The following HMCN1 variants were observed in gnomAD, a reference collection of about 807,000 sequenced individuals.
HMCN1 encodes the protein hemicentin-1.
HMCN1 carries 321 observed loss-of-function variants against 625.9 expected under a neutral mutation model. The observed-to-expected ratio is 0.51, with a 90% CI of 0.47 to 0.56. The LOEUF (loss-of-function observed/expected upper bound fraction) is 0.56. Ranked by LOEUF, HMCN1 falls within the 20% of genes least tolerant of loss-of-function variation. The probability of loss-of-function intolerance (pLI) is 0.00; values close to 1 mark genes in which losing one functional copy is unlikely to be tolerated. For synonymous variants in HMCN1, 2,425 were observed against 2,417.6 expected (o/e 1.00, Z -0.09); for missense variants, 6,588 against 6,887.3 (o/e 0.96, Z 1.54).
chr1:186,069,392 G>T (rs1269649205), intron 50 of HMCN1, among the ~76,000 whole-genome samples: 1 of 152,144 alleles, frequency 6.6e-6, no homozygotes, highest in African/African-American at 2.4e-5. Context: ...CCTTATGAAG[G>T]ATCTTAGCTA....
intron 100 of HMCN1, among the ~76,000 whole-genome samples, chr1:186,168,447 CA>C (rs35413214): frequency 0.068 from 8,279 of 122,414 alleles, 226 homozygotes; most frequent in South Asian, 0.11. Context: ...GACTCTGTTT[CA>C]AAAAAAAAAA....
intron 11 of HMCN1, among the ~76,000 whole-genome samples, chr1:185,941,611 G>A (rs943690069): frequency 2.6e-5 from 4 of 152,142 alleles, no homozygotes; most frequent in African/African-American, 9.7e-5. Flanking sequence ...GAAAAATTTG[G>A]TATTCACGTA....
rs557887846 is a variant in HMCN1 at position 186,110,977 on chromosome 1, C to CTTTT, written c.10990-1817_10990-1814dup. Among the ~76,000 whole-genome samples, 218 of 61,626 alleles carry CTTTT rather than the reference C, an allele frequency of 3.5e-3. 50 individuals carry two copies. Among genetic ancestry groups the CTTTT allele is most frequent in the East Asian group, 8.6e-3 (14 of 1,622 alleles). 40.4% of individuals were successfully genotyped at this position (61,626 alleles called of 152,430 possible). A position where few individuals can be genotyped will look rare whatever the true frequency, so the allele number is the denominator to read the frequency against. On this transcript the variant is annotated intron_variant, in intron 71 of 106. Coordinates refer to ENST00000271588, the MANE Select transcript of HMCN1 (RefSeq NM_031935.3). ...TACGGAAGAAAAACCAGAGAAAATTCTTTTTTTTTTTTTTTTTTTTTGAGA... is the reference window on the plus strand; with the variant it reads ...TACGGAAGAAAAACCAGAGAAAATTCTTTTTTTTTTTTTTTTTTTTTTTTTGAGA...
intron 1 of HMCN1, among the ~76,000 whole-genome samples, chr1:185,771,955 G>T (rs1394075551): frequency 6.6e-6 from 1 of 152,158 alleles, no homozygotes; most frequent in Non-Finnish European, 1.5e-5. Flanking sequence ...GGGGAGAATA[G>T]AAGTAACCAA....
At chr1:185,854,131 GAGAAAACTAT>G (rs745931934) in intron 2 of HMCN1, among the ~76,000 whole-genome samples, 160 of 152,276 alleles carry the variant, frequency 1.1e-3, no homozygotes, top group Non-Finnish European at 1.7e-3. Flanking sequence ...AGGATTCCTA[GAGAAAACTAT>G]AAATCTCATT....
chr1:186,007,860 G>C (rs1653743724), intron 30 of HMCN1, among the ~76,000 whole-genome samples: 1 of 152,076 alleles, frequency 6.6e-6, no homozygotes, highest in South Asian at 2.1e-4. Flanking sequence ...TGGAGCCATA[G>C]GTAGGCACAT....
chr1:185,743,611 T>C (rs1337262009), intron 1 of HMCN1, among the ~76,000 whole-genome samples: 2 of 152,240 alleles, frequency 1.3e-5, no homozygotes, highest in Non-Finnish European at 2.9e-5. Context: ...AGGATCCATG[T>C]TGTAAGTGTT....
rs185079841 is a variant in HMCN1, at chr1:186,101,337, T to C, written c.10574-2135T>C. Among the ~76,000 whole-genome samples, 24 of 152,230 alleles carry C rather than the reference T, an allele frequency of 1.6e-4. No homozygotes were observed. In the East Asian group the frequency reaches 3.5e-3, roughly 22 times the overall value. On this transcript the variant is annotated intron_variant, in intron 68 of 106. Coordinates refer to ENST00000271588, the MANE Select transcript of HMCN1 (RefSeq NM_031935.3). ...AGCATGACTCTTAGTTTCTGGCTTA[T>C]GTGACTAATTGGTAAATTCATCACT...
chr1:186,043,933 T>C (rs1447681337), intron 40 of HMCN1, among the ~76,000 whole-genome samples: 1 of 151,970 alleles, frequency 6.6e-6, no homozygotes, highest in Non-Finnish European at 1.5e-5. Flanking sequence ...ACAAAAAAAT[T>C]AGCCAGGCGT....
chr1:185,965,194 T>C lies in HMCN1; in HGVS notation c.2099-608T>C, dbSNP rs529209738. On this transcript the variant is annotated intron_variant, in intron 13 of 106. Transcript: ENST00000271588. ...GCAAACGGAGTGAAGAACAGAAATT[T>C]AGAGAATGTCTATATTTAGCATCAC... is the stretch of plus-strand genomic sequence containing the variant. Among the ~76,000 whole-genome samples, 7 of 152,192 alleles carry C rather than the reference T, an allele frequency of 4.6e-5. No individual in the cohort carries two copies. In the South Asian group the frequency reaches 1.5e-3, roughly 32 times the overall value.
intron 48 of HMCN1, among the ~76,000 whole-genome samples, chr1:186,064,667 G>A (rs1042622731): frequency 5.3e-5 from 8 of 151,680 alleles, no homozygotes; most frequent in South Asian, 4.2e-4. Context: ...AAAATTAGCC[G>A]GGTGTGGTAG....
intron 1 of HMCN1, among the ~76,000 whole-genome samples, chr1:185,799,451 G>A (rs1000687658): frequency 1.3e-5 from 2 of 152,182 alleles, no homozygotes; most frequent in African/African-American, 4.8e-5. Context: ...AGCTAGACTA[G>A]GAAGACTTGT....
intron 1 of HMCN1, among the ~76,000 whole-genome samples, chr1:185,834,834 A>G (rs969339325): frequency 2.0e-5 from 3 of 152,218 alleles, no homozygotes; most frequent in African/African-American, 7.2e-5. Flanking sequence ...TCTAATTCAG[A>G]AGAGTGAGAC....
At chr1:185,823,478 T>C (rs1660324549) in intron 1 of HMCN1, among the ~76,000 whole-genome samples, 4 of 152,172 alleles carry the variant, frequency 2.6e-5, no homozygotes. Flanking sequence ...CAGATTTTTT[T>C]TGTTATTTTT....
chr1:186,004,028 T>C (rs779233429), intron 29 of HMCN1, among the ~76,000 whole-genome samples, 184 bp downstream of exon 29: 38 of 152,198 alleles, frequency 2.5e-4, no homozygotes, highest in Non-Finnish European at 5.6e-4. Context: ...TTCTTTTGAA[T>C]TCAAAGCTCC....
chr1:186,018,081 A>C (rs1399015249), intron 33 of HMCN1, 102 bp from the exon 34 acceptor site: 11 of 1,046,720 alleles, frequency 1.1e-5, no homozygotes, highest in Non-Finnish European at 1.6e-5. Context: ...CAGAGTAAGC[A>C]ACTAGGAAAT....
chr1:185,807,550 G>T (rs1659248300), intron 1 of HMCN1, among the ~76,000 whole-genome samples: 1 of 152,114 alleles, frequency 6.6e-6, no homozygotes, highest in South Asian at 2.1e-4. Context: ...TATGCTCCTG[G>T]ATTCATGCAT....
intron 11 of HMCN1, among the ~76,000 whole-genome samples, chr1:185,962,078 TAAAA>T (rs1189809557): frequency 3.3e-5 from 5 of 152,010 alleles, no homozygotes; most frequent in Admixed American, 6.6e-5. Context: ...ATCAAATAAA[TAAAA>T]AGAAAGATCA....
chr1:185,987,776 T>A (rs1652100917), intron 20 of HMCN1, among the ~76,000 whole-genome samples: 1 of 151,814 alleles, frequency 6.6e-6, no homozygotes, highest in African/African-American at 2.4e-5. Context: ...ATACATGACA[T>A]ATTTCCTCCA....
Sources: gnomAD v4.1 joint callset for allele counts (sites outside exome capture counted in the v4.1 genomes callset) on GRCh38, gnomAD v4.1.1 for gene constraint, MANE v1.5 for transcripts, NCBI Gene and HGNC (gene_info 2026-07-23, HGNC 2026-07-21) for gene names.